PDE4D: variants seen among roughly 807,000 people sequenced by gnomAD.
The protein encoded by PDE4D is 3',5'-cyclic-AMP phosphodiesterase 4D.
A neutral mutation model predicts 87.4 loss-of-function variants in PDE4D; 24 were observed. The ratio of observed to expected loss-of-function variants is 0.27; its 90% CI spans 0.20 to 0.39. PDE4D has a LOEUF of 0.39. Among genes scored for constraint, PDE4D ranks in the 10% least tolerant of loss-of-function variants. PDE4D has a pLI of 1.00. For synonymous variants in PDE4D, 384 were observed against 383.2 expected, an observed-to-expected ratio of 1.00 and a Z score of -0.02; for missense variants, 714 against 1,041.0, an observed-to-expected ratio of 0.69 and a Z score of 4.32.
Position 60,338,473 on chromosome 5 carries a change from C to T in PDE4D, c.-90+149469G>A, listed in dbSNP as rs573107061. Among the ~76,000 whole-genome samples, 517 of 152,254 alleles carry T rather than the reference C, an allele frequency of 3.4e-3. 3 individuals are homozygous for T. Among genetic ancestry groups the T allele is most frequent in the Middle Eastern group, 0.01 (3 of 294 alleles). On this transcript the variant is annotated intron_variant, in intron 1 of 16. Coordinates refer to the PDE4D transcript ENST00000502484. ...ACAGCCTCTTGACCTTTAACCCATT[C>T]GCTCTAGAGTCAGAGTCCCAGCCTG...
chr5:60,277,083 T>C (rs1469913303), intron 1 of PDE4D, among the ~76,000 whole-genome samples: 2 of 151,954 alleles, frequency 1.3e-5, no homozygotes, highest in African/African-American at 4.8e-5. Context: ...TATTTTTTAA[T>C]TGTATACATT....
chr5:59,476,908 T>G (rs187872224), intron 1 of PDE4D, among the ~76,000 whole-genome samples: 5 of 152,138 alleles, frequency 3.3e-5, no homozygotes, highest in African/African-American at 7.2e-5. Context: ...TTACAGCACG[T>G]AACAATAAAT....
intron 6 of PDE4D, among the ~76,000 whole-genome samples, chr5:59,003,572 A>T (rs913568879): frequency 1.3e-5 from 2 of 152,234 alleles, no homozygotes; most frequent in African/African-American, 4.8e-5. Context: ...TATGTCAGGC[A>T]CTGCCTGAGA....
At chr5:60,249,616 G>T (rs1051846962) in intron 1 of PDE4D, among the ~76,000 whole-genome samples, 1 of 151,988 alleles carries the variant, frequency 6.6e-6, no homozygotes, top group African/African-American at 2.4e-5. Context: ...AGATTTAACA[G>T]CAGTGAGTTT....
At chr5:59,329,064 T>C (rs1217705889) in intron 1 of PDE4D, among the ~76,000 whole-genome samples, 1 of 152,170 alleles carries the variant, frequency 6.6e-6, no homozygotes, top group Non-Finnish European at 1.5e-5. Flanking sequence ...GAAGGCCATT[T>C]TGGATGTTTC....
Position 58,988,194 on chromosome 5 carries a change from G to A in PDE4D, c.1552+299C>T, listed in dbSNP as rs371442919. On this transcript the variant is annotated intron_variant, in intron 11 of 14. Transcript: ENST00000340635. ...TTTTTTTTTAATTTAAAACTTTAGG[G>A]CCAATACAACTTTCTAAATCTTTCT... 1.8e-4 allele frequency among the ~76,000 whole-genome samples: 28 copies of A among 152,092 alleles called. No homozygotes were observed. The East Asian group carries it at 4.1e-3, about 22-fold the overall frequency.
At chr5:60,121,611 C>A (rs541367541) in intron 2 of PDE4D, among the ~76,000 whole-genome samples, 301 of 152,036 alleles carry the variant, frequency 2.0e-3, no homozygotes, top group African/African-American at 6.9e-3. Context: ...GAGGAAACTG[C>A]CCCATGATTC....
chr5:59,715,404 G>A (rs543796859), intron 1 of PDE4D, among the ~76,000 whole-genome samples: 10 of 152,316 alleles, frequency 6.6e-5, no homozygotes, highest in East Asian at 1.9e-4. Flanking sequence ...CCCTATGCCC[G>A]ATGGGGCACG....
At chr5:60,509,836 C>T (rs539578768) in intron 1 of PDE4D, among the ~76,000 whole-genome samples, 1 of 152,290 alleles carries the variant, frequency 6.6e-6, no homozygotes, top group African/African-American at 2.4e-5. Context: ...TATTTATTAA[C>T]ATTTGTGATG....
chr5:59,798,292 G>T (rs1766731977), intron 1 of PDE4D, among the ~76,000 whole-genome samples: 2 of 145,302 alleles, frequency 1.4e-5, no homozygotes, highest in Non-Finnish European at 3.0e-5. Flanking sequence ...GTGTGTGTGT[G>T]TGTGTTTGTG....
chr5:60,433,693 T>C (rs1321789818), intron 1 of PDE4D, among the ~76,000 whole-genome samples: 1 of 152,184 alleles, frequency 6.6e-6, no homozygotes, highest in Non-Finnish European at 1.5e-5. Flanking sequence ...AACATTAGAC[T>C]GAATAAAGAA....
At position 60,403,516 on chromosome 5, in the gene PDE4D, G is replaced by T. The variant is rs1741266088; in HGVS notation, c.-90+84426C>A. 2.0e-5 allele frequency among the ~76,000 whole-genome samples: 3 copies of T among 152,204 alleles called. No individual in the cohort carries two copies. In the South Asian group the frequency reaches 6.2e-4, roughly 31 times the overall value. ...ACAATTCAGTAGGGACAGAAAAGAT[G>T]ACCTCTTCCCCTGTATTCATGTTCT... On this transcript the variant is annotated intron_variant, in intron 1 of 16. Coordinates refer to the PDE4D transcript ENST00000502484.
intron 5 of PDE4D, among the ~76,000 whole-genome samples, chr5:59,178,880 G>A (rs569917523): frequency 5.9e-5 from 9 of 152,242 alleles, no homozygotes; most frequent in East Asian, 3.9e-4. Context: ...CTGGAGCAGC[G>A]TGAAGACCAG....
At chr5:60,244,580 TG>T (rs1747500651) in intron 1 of PDE4D, among the ~76,000 whole-genome samples, 1 of 151,872 alleles carries the variant, frequency 6.6e-6, no homozygotes, top group South Asian at 2.1e-4. Flanking sequence ...AAAAACAGCA[TG>T]GTATTGGCAT....
At chr5:59,993,538 A>T (rs1364446521) in intron 2 of PDE4D, among the ~76,000 whole-genome samples, 1 of 152,164 alleles carries the variant, frequency 6.6e-6, no homozygotes, top group Non-Finnish European at 1.5e-5. Context: ...TTTTTATAAA[A>T]CAATAATATC....
At chr5:59,674,469 C>G (rs750015122) in intron 1 of PDE4D, among the ~76,000 whole-genome samples, 31 of 152,178 alleles carry the variant, frequency 2.0e-4, no homozygotes, top group Non-Finnish European at 4.1e-4. Context: ...ATGTCTGTCT[C>G]TAAAATCATT....
intron 11 of PDE4D, among the ~76,000 whole-genome samples, chr5:58,983,359 A>G (rs1464260257): frequency 6.6e-6 from 1 of 152,250 alleles, no homozygotes; most frequent in Non-Finnish European, 1.5e-5. Flanking sequence ...TTGTGCCTTT[A>G]GTGTCTGCTC....
At position 60,267,130 on chromosome 5, in the gene PDE4D, G is replaced by A. The variant is rs553735520; in HGVS notation, c.-89-81443C>T. On this transcript the variant is annotated intron_variant, in intron 1 of 16. Transcript: ENST00000502484. ...ATAGAATAAGGACGTAAAACTGTCC[G>A]TGTGTTTCCGTTACATTTACATTAG... 1.6e-4 allele frequency among the ~76,000 whole-genome samples: 25 copies of A among 152,258 alleles called. No individual in the cohort carries two copies. The South Asian group carries it at 4.1e-3, about 25-fold the overall frequency.
chr5:58,993,097 T>C (rs888215201), intron 7 of PDE4D, among the ~76,000 whole-genome samples: 21 of 152,260 alleles, frequency 1.4e-4, no homozygotes, highest in African/African-American at 5.1e-4. Context: ...CTATAAAATA[T>C]ATTTTACAGT....
Sources: allele counts gnomAD v4.1 joint callset (sites outside exome capture counted in the v4.1 genomes callset), GRCh38; gene constraint gnomAD v4.1.1; transcripts MANE v1.5; gene names NCBI Gene and HGNC (gene_info 2026-07-23, HGNC 2026-07-21).